ARCN1: variants seen among roughly 807,000 people sequenced by gnomAD.
ARCN1 encodes coatomer subunit delta.
In ARCN1, 5 loss-of-function variants were observed where a neutral mutation model predicts 60.4. That is an observed-to-expected ratio of 0.08 (90% CI 0.04 to 0.17). ARCN1 has a LOEUF of 0.17. Among genes scored for constraint, ARCN1 ranks in the 10% least tolerant of loss-of-function variants. The pLI is 1.00. For synonymous variants in ARCN1, 224 were observed against 220.0 expected (o/e 1.02, Z -0.16); for missense variants, 464 against 626.5 (o/e 0.74, Z 2.77).
chr11:118,573,303 G>A (rs145943599), intron 1 of ARCN1, among the ~76,000 whole-genome samples: 2 of 152,296 alleles, frequency 1.3e-5, no homozygotes, highest in East Asian at 3.9e-4. Flanking sequence ...GTGGCATGTC[G>A]TAGTCAGATG....
chr11:118,583,659 G>A, intron 3 of ARCN1, 150 bp from the exon 4 acceptor site: 1 of 836,958 alleles, frequency 1.2e-6, no homozygotes, highest in Non-Finnish European at 1.8e-6. Flanking sequence ...TTGGGAGGCT[G>A]AGATGGGAGG....
intron 2 of ARCN1, among the ~76,000 whole-genome samples, chr11:118,582,314 T>C (rs188050551): frequency 4.1e-4 from 63 of 152,198 alleles, no homozygotes; most frequent in African/African-American, 1.4e-3. Context: ...GGCTAATTTT[T>C]GTACGGGGTT....
chr11:118,595,244 T>C lies in ARCN1; in HGVS notation c.1241+1546T>C, dbSNP rs571588302. Among the ~76,000 whole-genome samples, 7 of 152,358 alleles carry C rather than the reference T, an allele frequency of 4.6e-5. No individual in the cohort carries two copies. The East Asian group carries it at 1.2e-3, about 25-fold the overall frequency. The stretch of plus-strand genomic sequence containing the variant: ...CATTTGTCAGTCAAACTTTCTGTTT[T>C]GCAGGTTTCAAAGAAATTGAGTCTA... On this transcript the variant is annotated intron_variant, in intron 8 of 9. Transcript: ENST00000264028.
At chr11:118,599,013 C>T (rs1370135227) in intron 9 of ARCN1, among the ~76,000 whole-genome samples, 2 of 151,266 alleles carry the variant, frequency 1.3e-5, no homozygotes, top group Non-Finnish European at 2.9e-5. Flanking sequence ...AGGCTGGTCT[C>T]GAAATCCTGA....
At chr11:118,581,553 A>T (rs782804215) in intron 2 of ARCN1, 44 bp downstream of exon 2, 50 of 1,558,584 alleles carry the variant, frequency 3.2e-5, no homozygotes, top group Non-Finnish European at 4.3e-5. Flanking sequence ...TTTGTTTTAC[A>T]TTTTATGTGA....
chr11:118,596,928 G>A (rs914493535), intron 8 of ARCN1, among the ~76,000 whole-genome samples: 4 of 152,086 alleles, frequency 2.6e-5, no homozygotes, highest in Admixed American at 2.0e-4. Context: ...ACAAATTCTC[G>A]GCCGGGTGCG....
chr11:118,603,013 A>T lies in ARCN1; in HGVS notation c.*2299A>T, dbSNP rs1221771568. ...TGGGACCTAACATTAAAAATTAATG[A>T]CATGTTTTTTTTAAGAGAAAGTAAT... On this transcript the variant is annotated 3_prime_UTR_variant, in exon 10 of 10. Transcript: ENST00000264028. The T allele has an allele frequency of 6.5e-6, 1 of 153,606 alleles. No homozygotes were observed. Among genetic ancestry groups the T allele is most frequent in the Admixed American group, 6.5e-5 (1 of 15,280 alleles). 9.5% of individuals were successfully genotyped at this position (153,606 alleles called of 1,614,324 possible).
At chr11:118,574,960 A>G (rs1324856012) in intron 1 of ARCN1, among the ~76,000 whole-genome samples, 1 of 151,752 alleles carries the variant, frequency 6.6e-6, no homozygotes, top group Non-Finnish European at 1.5e-5. Flanking sequence ...AATTAATGAG[A>G]ACATGTTCTG....
In ARCN1 at chr11:118,584,614, A is replaced by G; in HGVS notation, c.788A>G (p.Lys263Arg). Residue 263 changes from lysine to arginine, a missense_variant, in exon 5 of 10, where the codon AAA becomes AGA. Around this residue, in one of 2 missense-constraint regions of ARCN1, gnomAD observed 359 missense variants for 440.2 expected, o/e 0.82. Coordinates refer to ENST00000264028, the MANE Select transcript of ARCN1 (RefSeq NM_001655.5). The stretch of plus-strand genomic sequence containing the variant: ...GGCAAGCGTACTTCTGAAGCAACCA[A>G]AATGCATGCTCCACCCATTAATATG... Reference protein sequence around the residue: ...SMGKRTSEATKMHAPPINMES... With the variant: ...SMGKRTSEATRMHAPPINMES... The G allele has an allele frequency of 3.7e-6, 6 of 1,610,560 alleles. No individual in the cohort carries two copies. The highest frequency in any genetic ancestry group is 5.1e-6 in the Non-Finnish European group (6 of 1,178,958).
intron 5 of ARCN1, among the ~76,000 whole-genome samples, chr11:118,586,055 G>A (rs781823721): frequency 1.6e-4 from 25 of 152,172 alleles, no homozygotes; most frequent in Non-Finnish European, 3.2e-4. Flanking sequence ...TTTATCAGGT[G>A]TGCATAAAAG....
In ARCN1 at chr11:118,584,466, A is replaced by G; in HGVS notation, c.654-14A>G. The G allele has an allele frequency of 1.3e-6, 2 of 1,593,486 alleles. No individual in the cohort carries two copies. Among genetic ancestry groups the G allele is most frequent in the Non-Finnish European group, 1.7e-6 (2 of 1,173,924 alleles). On this transcript the variant is annotated splice_polypyrimidine_tract_variant and intron_variant, in intron 4 of 9. Coordinates refer to ENST00000264028, the MANE Select transcript of ARCN1 (RefSeq NM_001655.5). ...TAAACCTTTGGGTAATGAATTTCAAATTCTTCCACTTAGGCCTTCAGGCCC... is the reference window on the plus strand; with the variant it reads ...TAAACCTTTGGGTAATGAATTTCAAGTTCTTCCACTTAGGCCTTCAGGCCC...
At position 118,590,495 on chromosome 11, in the gene ARCN1, G is replaced by A. The variant is rs1555076153; in HGVS notation, c.973G>A (p.Val325Met). Residue 325 changes from valine to methionine, a missense_variant, in exon 6 of 10, where the codon GTG becomes ATG. Coordinates refer to ENST00000264028, the MANE Select transcript of ARCN1 (RefSeq NM_001655.5). ...TGTGGAAAATGAAGATAAGAAAGGGGTGCAGCTACAGGTGTGTAGAAGCTT... is the reference window on the plus strand; with the variant it reads ...TGTGGAAAATGAAGATAAGAAAGGGATGCAGCTACAGGTGTGTAGAAGCTT... ...LHVENEDKKGVQLQTHPNVDK... is the reference protein window; with the variant it reads ...LHVENEDKKGMQLQTHPNVDK... 1 of 1,614,156 alleles carries A rather than the reference G, an allele frequency of 6.2e-7. No homozygotes were observed. Among genetic ancestry groups the A allele is most frequent in the Admixed American group, 1.7e-5 (1 of 60,028 alleles).
At chr11:118,596,786 CAT>C (rs1939035421) in intron 8 of ARCN1, among the ~76,000 whole-genome samples, 1 of 152,224 alleles carries the variant, frequency 6.6e-6, no homozygotes, top group Non-Finnish European at 1.5e-5. Flanking sequence ...TTTCTCCCAT[CAT>C]GTTTCCATTT....
chr11:118,575,411 G>GGTGTGTGTGTGTGT (rs56934953), intron 1 of ARCN1, among the ~76,000 whole-genome samples: 249 of 149,184 alleles, frequency 1.7e-3, no homozygotes, highest in African/African-American at 5.8e-3. Flanking sequence ...ACTGATAACG[G>GGTGTGTGTGTGTGT]GTGTGTGTGT....
At chr11:118,583,451 C>G in intron 3 of ARCN1, 93 bp downstream of exon 3, 1 of 1,385,930 alleles carries the variant, frequency 7.2e-7, no homozygotes, top group Non-Finnish European at 9.6e-7. Flanking sequence ...CTAATGTAGA[C>G]TGTATTCAAA....
intron 8 of ARCN1, among the ~76,000 whole-genome samples, chr11:118,597,383 G>A (rs1007895132): frequency 2.0e-5 from 3 of 152,216 alleles, no homozygotes; most frequent in Admixed American, 2.0e-4. Flanking sequence ...TTGGTGCAGG[G>A]TTTTTGGAAA....
At chr11:118,594,856 A>C (rs1938992553) in intron 8 of ARCN1, among the ~76,000 whole-genome samples, 1 of 142,122 alleles carries the variant, frequency 7.0e-6, no homozygotes, top group Non-Finnish European at 1.5e-5. Context: ...GGCTATTTTT[A>C]TTTTTATTTT....
intron 1 of ARCN1, among the ~76,000 whole-genome samples, chr11:118,578,764 C>G (rs975486603): frequency 1.3e-5 from 2 of 151,550 alleles, no homozygotes; most frequent in South Asian, 4.2e-4. Context: ...TTGCCTTGGC[C>G]GGATGCTGTG....
At chr11:118,595,608 G>C (rs554378057) in intron 8 of ARCN1, among the ~76,000 whole-genome samples, 15 of 152,224 alleles carry the variant, frequency 9.9e-5, no homozygotes, top group African/African-American at 3.4e-4. Context: ...TATCTTTTTA[G>C]TAACATTTAC....
Sources: gnomAD v4.1 joint callset for allele counts (sites outside exome capture counted in the v4.1 genomes callset) on GRCh38, gnomAD v4.1.1 for gene constraint, gnomAD v4.1.1 regional missense constraint, MANE v1.5 for transcripts, NCBI Gene and HGNC (gene_info 2026-07-23, HGNC 2026-07-21) for gene names.